Variants in CSMD1 observed in about 807,000 individuals in gnomAD.
The protein encoded by CSMD1 is CUB and Sushi multiple domains 1.
Under a neutral mutation model 417.5 loss-of-function variants are expected in CSMD1, and 213 were observed. That is an observed-to-expected ratio of 0.51 (90% CI 0.46 to 0.57). The LOEUF (loss-of-function observed/expected upper bound fraction) is 0.57. Ranked by LOEUF, CSMD1 falls within the 20% of genes least tolerant of loss-of-function variation. The pLI is 0.00. For missense variants in CSMD1, 6,923 were observed against 4,529.7 expected (o/e 1.53, Z -15.17); for synonymous variants, 2,862 against 1,736.8 (o/e 1.65, Z -16.11).
intron 2 of CSMD1, among the ~76,000 whole-genome samples, chr8:4,606,075 T>C (rs1200983330): frequency 1.3e-5 from 2 of 152,082 alleles, no homozygotes; most frequent in African/African-American, 4.8e-5. Flanking sequence ...GATGCGGTGG[T>C]GGGAGGCTAT....
At chr8:3,931,833 G>A (rs1810167727) in intron 5 of CSMD1, among the ~76,000 whole-genome samples, 1 of 147,916 alleles carries the variant, frequency 6.8e-6, no homozygotes, top group Non-Finnish European at 1.5e-5. Flanking sequence ...GCAGAGGACT[G>A]GGCTATCTTT....
chr8:4,948,397 T>C (rs1403460205), intron 1 of CSMD1, among the ~76,000 whole-genome samples: 1 of 152,018 alleles, frequency 6.6e-6, no homozygotes, highest in Admixed American at 6.6e-5. Flanking sequence ...ACTAGTTACT[T>C]GCCAGTCATT....
intron 2 of CSMD1, among the ~76,000 whole-genome samples, chr8:4,456,440 G>A (rs773135576): frequency 3.3e-5 from 5 of 152,100 alleles, no homozygotes; most frequent in African/African-American, 4.8e-5. Flanking sequence ...TTTAATTGCT[G>A]TTAAGAGTAT....
At chr8:3,593,369 C>T (rs1242874668) in intron 8 of CSMD1, among the ~76,000 whole-genome samples, 6 of 152,292 alleles carry the variant, frequency 3.9e-5, no homozygotes, top group East Asian at 1.9e-4. Context: ...GGGAGGAGCC[C>T]GTGATGGAGA....
intron 3 of CSMD1, among the ~76,000 whole-genome samples, chr8:4,163,428 C>A (rs1797279643): frequency 6.6e-6 from 1 of 152,118 alleles, no homozygotes; most frequent in African/African-American, 2.4e-5. Flanking sequence ...TGGCCAATTT[C>A]TTTTTTCTTG....
chr8:3,163,681 C>A (rs557431197), intron 37 of CSMD1, among the ~76,000 whole-genome samples: 61 of 152,172 alleles, frequency 4.0e-4, no homozygotes, highest in Middle Eastern at 6.8e-3. Context: ...CAGCGGCCAC[C>A]AAGCACGAGA....
At chr8:4,948,589 T>C (rs755346115) in intron 1 of CSMD1, among the ~76,000 whole-genome samples, 2 of 152,094 alleles carry the variant, frequency 1.3e-5, no homozygotes, top group Non-Finnish European at 2.9e-5. Context: ...TTCATTCTTA[T>C]TTTCAATGGT....
chr8:4,331,585 G>C (rs1003231955), intron 3 of CSMD1, among the ~76,000 whole-genome samples: 4 of 152,116 alleles, frequency 2.6e-5, no homozygotes, highest in Non-Finnish European at 4.4e-5. Flanking sequence ...TGCAGACAAT[G>C]GGGCAACATT....
chr8:3,718,765 C>G (rs540437886), intron 6 of CSMD1, among the ~76,000 whole-genome samples: 200 of 152,198 alleles, frequency 1.3e-3, no homozygotes, highest in African/African-American at 4.6e-3. Context: ...TCTCACGTTT[C>G]CTTACCAAAT....
chr8:4,014,013 C>A (rs548987478), intron 4 of CSMD1, among the ~76,000 whole-genome samples: 11 of 152,134 alleles, frequency 7.2e-5, no homozygotes, highest in African/African-American at 2.2e-4. Flanking sequence ...CACGTAAATA[C>A]TGAAAGGACA....
intron 5 of CSMD1, among the ~76,000 whole-genome samples, chr8:3,758,705 G>A (rs896388771): frequency 2.6e-5 from 4 of 152,210 alleles, no homozygotes; most frequent in Non-Finnish European, 5.9e-5. Flanking sequence ...TTTGTGGGAG[G>A]CAGAATCATA....
At chr8:4,172,596 C>A (rs1436516127) in intron 3 of CSMD1, among the ~76,000 whole-genome samples, 2 of 152,164 alleles carry the variant, frequency 1.3e-5, no homozygotes, top group South Asian at 2.1e-4. Flanking sequence ...TAAGGAACAT[C>A]TAACTAAGCT....
At chr8:3,609,189 G>T (rs1801768271) in intron 8 of CSMD1, among the ~76,000 whole-genome samples, 1 of 152,122 alleles carries the variant, frequency 6.6e-6, no homozygotes, top group Non-Finnish European at 1.5e-5. Context: ...TAAACATGAG[G>T]ATAATTACAT....
chr8:4,108,175 G>T (rs1296691676), intron 3 of CSMD1, among the ~76,000 whole-genome samples: 3 of 152,054 alleles, frequency 2.0e-5, no homozygotes, highest in Admixed American at 2.0e-4. Flanking sequence ...TTTTTATTAA[G>T]TTGTATCAGA....
chr8:4,907,206 T>C (rs1018131503), intron 1 of CSMD1, among the ~76,000 whole-genome samples: 6 of 152,222 alleles, frequency 3.9e-5, no homozygotes, highest in African/African-American at 2.4e-5. Flanking sequence ...ACTTTTACTC[T>C]CTTTGAAATC....
At chr8:3,980,695 T>C (rs144180945) in intron 5 of CSMD1, among the ~76,000 whole-genome samples, 97 of 152,286 alleles carry the variant, frequency 6.4e-4, no homozygotes, top group African/African-American at 2.3e-3. Context: ...ATCTGGAGAA[T>C]TTAAAAGAAC....
chr8:3,126,888 T>C (rs181352514), intron 41 of CSMD1, among the ~76,000 whole-genome samples: 98 of 152,250 alleles, frequency 6.4e-4, no homozygotes, highest in African/African-American at 2.3e-3. Context: ...CAAGAGAGGC[T>C]TGCAGCAAGT....
Position 3,055,139 on chromosome 8 carries a change from A to C in CSMD1, c.7475-2492T>G, listed in dbSNP as rs576962722. On this transcript the variant is annotated intron_variant, in intron 49 of 69. Transcript: ENST00000635120. Reference sequence around the variant, plus strand: ...GAAATGACATTTTTCTATCGGACGAAATGGGAAAGATGACATTCTACAAAC... The same window carrying C: ...GAAATGACATTTTTCTATCGGACGACATGGGAAAGATGACATTCTACAAAC... Among the ~76,000 whole-genome samples, 16 of 152,304 alleles carry C rather than the reference A, an allele frequency of 1.1e-4. No homozygotes were observed. The East Asian group carries it at 3.1e-3, about 29-fold the overall frequency.
chr8:3,862,896 C>T (rs1333730499), intron 5 of CSMD1, among the ~76,000 whole-genome samples: 1 of 152,104 alleles, frequency 6.6e-6, no homozygotes, highest in Non-Finnish European at 1.5e-5. Flanking sequence ...TAGTTCATTC[C>T]AGGACCTATA....
Sources: allele counts gnomAD v4.1 joint callset (sites outside exome capture counted in the v4.1 genomes callset), GRCh38; gene constraint gnomAD v4.1.1; transcripts MANE v1.5; gene names NCBI Gene and HGNC (gene_info 2026-07-23, HGNC 2026-07-21).